Variants in SLC24A3 observed in about 807,000 individuals in gnomAD.
SLC24A3 encodes the protein solute carrier family 24 member 3.
A neutral mutation model predicts 75.8 loss-of-function variants in SLC24A3; 28 were observed. That is an observed-to-expected ratio of 0.37 (90% CI 0.27 to 0.51). SLC24A3 has a LOEUF of 0.51. Among genes scored for constraint, SLC24A3 ranks in the 20% least tolerant of loss-of-function variants. The pLI is 0.94. For missense variants in SLC24A3, 663 were observed against 847.8 expected, an observed-to-expected ratio of 0.78 and a Z score of 2.71; for synonymous variants, 372 against 334.1, an observed-to-expected ratio of 1.11 and a Z score of -1.24.
intron 2 of SLC24A3, among the ~76,000 whole-genome samples, chr20:19,419,838 T>A (rs1176820330): frequency 9.9e-5 from 15 of 151,308 alleles, no homozygotes; most frequent in South Asian, 6.3e-4. Context: ...TTTTTTTTTT[T>A]TTATTATACT....
intron 3 of SLC24A3, among the ~76,000 whole-genome samples, chr20:19,564,686 C>A (rs2030927921): frequency 6.6e-6 from 1 of 152,124 alleles, no homozygotes; most frequent in Admixed American, 6.5e-5. Context: ...CCCTCATACA[C>A]AATCTACATA....
intron 2 of SLC24A3, among the ~76,000 whole-genome samples, chr20:19,422,210 C>G (rs576493601): frequency 6.6e-6 from 1 of 152,258 alleles, no homozygotes; most frequent in African/African-American, 2.4e-5. Flanking sequence ...CAGTAAATGG[C>G]AGAGCTCAGA....
intron 2 of SLC24A3, among the ~76,000 whole-genome samples, chr20:19,454,192 C>G (rs1349572186): frequency 1.3e-5 from 2 of 152,066 alleles, no homozygotes; most frequent in African/African-American, 4.8e-5. Context: ...GGCAGCTGGG[C>G]TTGCCTGCTT....
At chr20:19,638,927 T>C (rs1411065590) in intron 6 of SLC24A3, among the ~76,000 whole-genome samples, 2 of 152,092 alleles carry the variant, frequency 1.3e-5, no homozygotes, top group Non-Finnish European at 2.9e-5. Flanking sequence ...ATAAAAGCAG[T>C]GTGGACCCAA....
At chr20:19,429,943 A>G (rs11907755) in intron 2 of SLC24A3, among the ~76,000 whole-genome samples, 7,138 of 152,222 alleles carry the variant, frequency 0.047, 346 homozygotes, top group African/African-American at 0.12. Flanking sequence ...CAGCTGAGAA[A>G]AAAAGAGGAG....
At chr20:19,273,575 A>C (rs1983393106) in intron 1 of SLC24A3, among the ~76,000 whole-genome samples, 1 of 152,096 alleles carries the variant, frequency 6.6e-6, no homozygotes, top group Admixed American at 6.5e-5. Flanking sequence ...GCTGCCCCTC[A>C]GGGTCTGGGA....
intron 1 of SLC24A3, among the ~76,000 whole-genome samples, chr20:19,269,549 C>T (rs1246751624): frequency 6.6e-6 from 1 of 152,242 alleles, no homozygotes; most frequent in Non-Finnish European, 1.5e-5. Context: ...TGTGGGTGCA[C>T]CTGTTGCCAT....
At chr20:19,270,432 A>G (rs937432693) in intron 1 of SLC24A3, among the ~76,000 whole-genome samples, 4 of 152,216 alleles carry the variant, frequency 2.6e-5, no homozygotes, top group Non-Finnish European at 5.9e-5. Context: ...TAGCAGCTTA[A>G]AAAACAGCAG....
intron 2 of SLC24A3, among the ~76,000 whole-genome samples, chr20:19,303,400 C>A (rs1376160924): frequency 2.0e-5 from 3 of 152,180 alleles, no homozygotes; most frequent in African/African-American, 7.2e-5. Context: ...TTTTCTTTAA[C>A]CAGTCTACCG....
At chr20:19,440,903 G>A (rs968084991) in intron 2 of SLC24A3, among the ~76,000 whole-genome samples, 3 of 152,018 alleles carry the variant, frequency 2.0e-5, no homozygotes, top group Admixed American at 2.0e-4. Flanking sequence ...GGATACCGAC[G>A]GACTGTTTTT....
intron 2 of SLC24A3, among the ~76,000 whole-genome samples, chr20:19,411,603 G>A (rs1986744581): frequency 6.6e-6 from 1 of 152,202 alleles, no homozygotes; most frequent in South Asian, 2.1e-4. Flanking sequence ...GCATGAGTGA[G>A]TCAAATAAGC....
chr20:19,485,858 C>T (rs989568298), intron 2 of SLC24A3, among the ~76,000 whole-genome samples: 4 of 152,320 alleles, frequency 2.6e-5, no homozygotes, highest in South Asian at 4.1e-4. Flanking sequence ...CTCTAGACAA[C>T]GGGAACAATT....
chr20:19,241,606 C>T (rs1031203719), intron 1 of SLC24A3, among the ~76,000 whole-genome samples: 6 of 152,184 alleles, frequency 3.9e-5, no homozygotes, highest in Non-Finnish European at 7.3e-5. Flanking sequence ...CGTGCATGCC[C>T]GGGGCGTTTC....
At chr20:19,224,504 G>A (rs1981824193) in intron 1 of SLC24A3, among the ~76,000 whole-genome samples, 1 of 152,090 alleles carries the variant, frequency 6.6e-6, no homozygotes, top group South Asian at 2.1e-4. Flanking sequence ...ACTACGTGCT[G>A]GATAAAGGCC....
chr20:19,664,426 A>G (rs2032374263), intron 7 of SLC24A3, among the ~76,000 whole-genome samples: 1 of 152,268 alleles, frequency 6.6e-6, no homozygotes, highest in Non-Finnish European at 1.5e-5. Context: ...AACAAAAATG[A>G]TGAAGCCCAC....
intron 2 of SLC24A3, among the ~76,000 whole-genome samples, chr20:19,324,863 CT>C (rs1370668734): frequency 6.6e-6 from 1 of 152,108 alleles, no homozygotes; most frequent in African/African-American, 2.4e-5. Context: ...CTTTTCTTTT[CT>C]TTTTTTCTCT....
intron 2 of SLC24A3, among the ~76,000 whole-genome samples, chr20:19,302,534 T>C (rs1165384667): frequency 1.3e-5 from 2 of 152,238 alleles, no homozygotes; most frequent in East Asian, 3.8e-4. Flanking sequence ...AAGTAAAACA[T>C]TGCACATCAA....
In SLC24A3 at chr20:19,679,295, G is replaced by A. The variant is rs369463013; in HGVS notation, c.768-2563G>A. ...GCTGGCGGATCACTCGCGGTTAGGA[G>A]CTGGAGACCAGCCCGGCCAACACAG... On this transcript the variant is annotated intron_variant, in intron 9 of 16. Transcript: ENST00000328041. Among the ~76,000 whole-genome samples, 46 of 152,352 alleles carry A rather than the reference G, an allele frequency of 3.0e-4. No homozygotes were observed. In the East Asian group the frequency reaches 4.2e-3, roughly 14 times the overall value.
At chr20:19,513,747 A>G (rs555305616) in intron 2 of SLC24A3, among the ~76,000 whole-genome samples, 185 of 152,084 alleles carry the variant, frequency 1.2e-3, no homozygotes, top group African/African-American at 4.3e-3. Context: ...AGAAAAAAAA[A>G]AAAAGCCTTT....
Sources: allele counts gnomAD v4.1 joint callset (sites outside exome capture counted in the v4.1 genomes callset), GRCh38; gene constraint gnomAD v4.1.1; transcripts MANE v1.5; gene names NCBI Gene and HGNC (gene_info 2026-07-23, HGNC 2026-07-21).